PCDHA7: variants seen among roughly 807,000 people sequenced by gnomAD.
PCDHA7 encodes the protein protocadherin alpha 7.
Under a neutral mutation model 57.2 loss-of-function variants are expected in PCDHA7, and 37 were observed. That is an observed-to-expected ratio of 0.65 (90% CI 0.50 to 0.85). The LOEUF (loss-of-function observed/expected upper bound fraction) is 0.85, where lower values mean the gene tolerates loss of function less well. PCDHA7 is among the 40% of genes least tolerant of loss of function. The probability of loss-of-function intolerance (pLI) is 0.00; values close to 1 mark genes in which losing one functional copy is unlikely to be tolerated. For missense variants in PCDHA7, 1,188 were observed against 1,241.8 expected, an observed-to-expected ratio of 0.96 and a Z score of 0.65; for synonymous variants, 553 against 558.8, an observed-to-expected ratio of 0.99 and a Z score of 0.15.
intron 1 of PCDHA7, chr5:140,860,474 TA>T (rs1293657242): frequency 6.6e-6 from 1 of 152,154 alleles, no homozygotes; most frequent in African/African-American, 2.4e-5. Context: ...GTTGGTGCAG[TA>T]GTACTTTATT....
chr5:140,885,792 C>T (rs2060715375), intron 1 of PCDHA7, among the ~76,000 whole-genome samples: 1 of 151,834 alleles, frequency 6.6e-6, no homozygotes, highest in Non-Finnish European at 1.5e-5. Context: ...AGCATATTGT[C>T]ATATGTATTT....
intron 1 of PCDHA7, chr5:140,858,650 T>A (rs1581517795): frequency 6.1e-6 from 5 of 822,646 alleles, no homozygotes; most frequent in Admixed American, 3.2e-5. Context: ...GGTACTTAAA[T>A]TTTTTTAAAT....
At chr5:140,943,600 A>G (rs996134923) in intron 1 of PCDHA7, among the ~76,000 whole-genome samples, 1 of 152,198 alleles carries the variant, frequency 6.6e-6, no homozygotes, top group African/African-American at 2.4e-5. Context: ...AATTCTAAAT[A>G]TAGACTTTGA....
At chr5:140,893,416 G>A (rs1351047268) in intron 1 of PCDHA7, among the ~76,000 whole-genome samples, 1 of 152,136 alleles carries the variant, frequency 6.6e-6, no homozygotes, top group Non-Finnish European at 1.5e-5. Context: ...ACTTAGGGAG[G>A]CAGAGGCAGG....
chr5:140,991,139 G>GT (rs1563571112), intron 3 of PCDHA7, among the ~76,000 whole-genome samples: 3 of 152,126 alleles, frequency 2.0e-5, no homozygotes, highest in Non-Finnish European at 4.4e-5. Flanking sequence ...TAGTAAAAAT[G>GT]TTTTTTGCTC....
chr5:140,875,485 G>A (rs367652529), intron 1 of PCDHA7: 13 of 1,611,424 alleles, frequency 8.1e-6, no homozygotes, highest in African/African-American at 1.3e-5. Context: ...GGTGATTATC[G>A]GACCAAGAGG....
intron 1 of PCDHA7, chr5:140,929,048 G>A (rs782818540): frequency 1.9e-5 from 31 of 1,614,088 alleles, no homozygotes; most frequent in Middle Eastern, 1.6e-4. Flanking sequence ...CAGAGCTGCT[G>A]TCGCTCTACA....
intron 1 of PCDHA7, among the ~76,000 whole-genome samples, chr5:140,874,790 A>C (rs2055107111): frequency 6.6e-6 from 1 of 152,254 alleles, no homozygotes; most frequent in East Asian, 1.9e-4. Context: ...TCTAACTTTC[A>C]TCAGATTTAT....
In PCDHA7 at chr5:140,875,735, C is replaced by A. The variant is rs376701509; in HGVS notation, c.2355+38997C>A. The stretch of plus-strand genomic sequence containing the variant: ...CAGAATGGCATTTTGTTTGTGAATT[C>A]TCGGATCGACCGCGAGAAGCTGTGC... On this transcript the variant is annotated intron_variant, in intron 1 of 3. Coordinates refer to ENST00000525929, the MANE Select transcript of PCDHA7 (RefSeq NM_018910.3). 16 of 1,614,114 alleles carry A rather than the reference C, an allele frequency of 9.9e-6. No homozygotes were observed. In the Middle Eastern group the frequency reaches 4.9e-4, roughly 50 times the overall value.
chr5:140,923,275 CA>C (rs1328074482), intron 1 of PCDHA7, among the ~76,000 whole-genome samples: 2 of 152,128 alleles, frequency 1.3e-5, no homozygotes, highest in Admixed American at 1.3e-4. Context: ...CTTGTCTCTA[CA>C]AAAAATTAAA....
chr5:140,999,011 A>G (rs2097843002), intron 3 of PCDHA7, among the ~76,000 whole-genome samples: 1 of 152,246 alleles, frequency 6.6e-6, no homozygotes, highest in Non-Finnish European at 1.5e-5. Flanking sequence ...CTGAGATTTG[A>G]ACCCAAGACT....
intron 1 of PCDHA7, chr5:140,850,196 A>T: frequency 6.3e-7 from 1 of 1,592,830 alleles, no homozygotes; most frequent in Non-Finnish European, 8.6e-7. Flanking sequence ...CGCTGCTGAC[A>T]CCTCGGATGA....
chr5:140,924,902 AAAATAAAAT>A (rs1211271652), intron 1 of PCDHA7, among the ~76,000 whole-genome samples: 3 of 39,024 alleles, frequency 7.7e-5, no homozygotes, highest in African/African-American at 2.3e-4. Context: ...CTCAAAAAAA[AAAATAAAAT>A]AAAATAAAAT....
chr5:140,908,757 C>G (rs550540742), intron 1 of PCDHA7, among the ~76,000 whole-genome samples: 1 of 152,248 alleles, frequency 6.6e-6, no homozygotes, highest in Non-Finnish European at 1.5e-5. Context: ...TGCACACAGC[C>G]TGGACGTGTT....
intron 1 of PCDHA7, among the ~76,000 whole-genome samples, chr5:140,890,087 A>G (rs1284769572): frequency 6.6e-6 from 1 of 152,170 alleles, no homozygotes; most frequent in African/African-American, 2.4e-5. Context: ...TGATAATGCA[A>G]ATTTATTCCC....
At chr5:140,988,092 C>T (rs1266366711) in intron 3 of PCDHA7, among the ~76,000 whole-genome samples, 6 of 152,174 alleles carry the variant, frequency 3.9e-5, no homozygotes, top group East Asian at 1.9e-4. Flanking sequence ...AGTGCAGCCT[C>T]GGGCCTTGTT....
intron 1 of PCDHA7, among the ~76,000 whole-genome samples, chr5:140,919,151 G>A (rs1246862771): frequency 2.6e-5 from 4 of 152,122 alleles, no homozygotes; most frequent in African/African-American, 9.7e-5. Flanking sequence ...ATTATTAGAT[G>A]CAAGTATGTT....
In PCDHA7 at chr5:141,010,200, C is replaced by T. The variant is rs1356287133; in HGVS notation, c.*263C>T. On this transcript the variant is annotated 3_prime_UTR_variant, in exon 4 of 4. Coordinates refer to ENST00000525929, the MANE Select transcript of PCDHA7 (RefSeq NM_018910.3). ...AGCAGACCCAAGTTTCCTTTCTCCTCCGCCGCAAAGGAGAGGCTTCCCAGC... is the reference window on the plus strand; with the variant it reads ...AGCAGACCCAAGTTTCCTTTCTCCTTCGCCGCAAAGGAGAGGCTTCCCAGC... The T allele has an allele frequency of 1.3e-6, 2 of 1,551,984 alleles. No individual in the cohort carries two copies. Among genetic ancestry groups the T allele is most frequent in the African/African-American group, 2.7e-5 (2 of 73,038 alleles).
chr5:140,852,043 A>G, intron 1 of PCDHA7: 1 of 921,642 alleles, frequency 1.1e-6, no homozygotes, highest in Non-Finnish European at 1.3e-6. Flanking sequence ...AGTTTTTGTT[A>G]TGTGGTTTAT....
Sources: allele counts gnomAD v4.1 joint callset (sites outside exome capture counted in the v4.1 genomes callset), GRCh38; gene constraint gnomAD v4.1.1; transcripts MANE v1.5; gene names NCBI Gene and HGNC (gene_info 2026-07-23, HGNC 2026-07-21).